DOCK9: variants seen among roughly 807,000 people sequenced by gnomAD.
DOCK9 encodes the protein dedicator of cytokinesis protein 9.
A neutral mutation model predicts 263.3 loss-of-function variants in DOCK9; 89 were observed. The observed-to-expected ratio is 0.34, with a 90% CI of 0.28 to 0.40. The LOEUF (loss-of-function observed/expected upper bound fraction) is 0.40, where lower values mean the gene tolerates loss of function less well. DOCK9 is among the 10% of genes least tolerant of loss of function. The probability of loss-of-function intolerance (pLI) is 1.00; values close to 1 mark genes in which losing one functional copy is unlikely to be tolerated. For synonymous variants in DOCK9, 976 were observed against 973.1 expected (o/e 1.00, Z -0.06); for missense variants, 2,140 against 2,603.4 (o/e 0.82, Z 3.87).
At chr13:98,832,054 T>C (rs2092786420) in intron 39 of DOCK9, 1 of 376,740 alleles carries the variant, frequency 2.7e-6, no homozygotes, top group Admixed American at 4.1e-5. Flanking sequence ...TTCTATTTAT[T>C]AATATGTACT....
chr13:98,839,612 A>G (rs544021209), intron 38 of DOCK9, among the ~76,000 whole-genome samples: 1 of 152,360 alleles, frequency 6.6e-6, no homozygotes, highest in East Asian at 1.9e-4. Flanking sequence ...CTTTCTCTGC[A>G]AAGAACTGTC....
chr13:98,886,085 T>C (rs760276954), intron 19 of DOCK9, among the ~76,000 whole-genome samples: 1 of 152,186 alleles, frequency 6.6e-6, no homozygotes, highest in Non-Finnish European at 1.5e-5. Context: ...CAGTAACTGC[T>C]ACGCTAAGTT....
At chr13:98,873,530 C>T (rs149655711) in intron 27 of DOCK9, among the ~76,000 whole-genome samples, 88 of 152,320 alleles carry the variant, frequency 5.8e-4, no homozygotes, top group African/African-American at 1.8e-3. Context: ...CAGCTAGGTA[C>T]CGTCATGGCT....
chr13:98,802,488 T>C (rs2090230075), intron 49 of DOCK9, among the ~76,000 whole-genome samples: 1 of 152,136 alleles, frequency 6.6e-6, no homozygotes. Context: ...GGTCTGTGTG[T>C]CTTGAATAGA....
chr13:99,080,164 T>C (rs566492007), intron 1 of DOCK9, among the ~76,000 whole-genome samples: 2 of 152,360 alleles, frequency 1.3e-5, no homozygotes, highest in South Asian at 4.1e-4. Flanking sequence ...TTCAGTATGT[T>C]CTGTAAGGTA....
chr13:98,987,454 T>C (rs1878731539), intron 1 of DOCK9, among the ~76,000 whole-genome samples: 2 of 152,210 alleles, frequency 1.3e-5, no homozygotes, highest in Admixed American at 6.5e-5. Flanking sequence ...CACTGGCCCA[T>C]CTACAAAGAG....
chr13:99,027,314 G>A (rs1023469453), intron 1 of DOCK9, among the ~76,000 whole-genome samples: 6 of 152,034 alleles, frequency 3.9e-5, no homozygotes, highest in South Asian at 2.1e-4. Context: ...CACCACATCC[G>A]GCCTCATTTA....
chr13:98,941,296 G>A (rs1197021475), intron 2 of DOCK9, among the ~76,000 whole-genome samples: 1 of 152,192 alleles, frequency 6.6e-6, no homozygotes, highest in Non-Finnish European at 1.5e-5. Context: ...AAGAGGGACT[G>A]CGCAATTTAG....
chr13:98,864,099 C>G (rs1049589085), intron 30 of DOCK9, among the ~76,000 whole-genome samples: 1 of 152,144 alleles, frequency 6.6e-6, no homozygotes, highest in African/African-American at 2.4e-5. Context: ...AATATATAAC[C>G]TACTTATTCT....
rs11618209 is a variant in DOCK9, at chr13:98,886,563, T to C, written c.2105A>G (p.His702Arg). The change falls in exon 19 of 53, where the codon CAC becomes CGC. Residue 702 changes from histidine (H) to arginine (R), a missense_variant. Around this residue, in one of 2 missense-constraint regions of DOCK9, gnomAD observed 1,521 missense variants for 1,741.7 expected, o/e 0.87. Coordinates refer to ENST00000682017, the MANE Select transcript of DOCK9 (RefSeq NM_001366683.2). ...FTRSAFAAVL[H>R]HHQNPEFYDE... ...ATAAAATTCTGGGTTTTGGTGATGG[T>C]GTAAAACTGCAGCAAAGGCGCTTCT... 4 of 1,613,924 alleles carry C rather than the reference T, an allele frequency of 2.5e-6. No homozygotes were observed. In the Admixed American group the frequency reaches 5.0e-5, roughly 20 times the overall value.
chr13:98,940,116 C>A (rs903623465), intron 2 of DOCK9, among the ~76,000 whole-genome samples: 2 of 152,160 alleles, frequency 1.3e-5, no homozygotes, highest in South Asian at 4.1e-4. Flanking sequence ...GGATTCAGTA[C>A]CAAGCTAGAC....
Position 98,829,598 on chromosome 13 carries a change from G to C in DOCK9, c.4749+45C>G. On this transcript the variant is annotated intron_variant, in intron 42 of 52. Transcript: ENST00000682017. The surrounding 1 kb of genome is among the most constrained non-coding windows in gnomAD (Gnocchi z 4.1). Reference sequence around the variant, plus strand: ...CCTGTCCACAAGCACCTCAGGTGCTGATGCAGAGTCTCAGGGTGAAACTAA... The same window carrying C: ...CCTGTCCACAAGCACCTCAGGTGCTCATGCAGAGTCTCAGGGTGAAACTAA... 2 of 1,579,656 alleles carry C rather than the reference G, an allele frequency of 1.3e-6. No individual in the cohort carries two copies. The highest frequency in any genetic ancestry group is 2.3e-5 in the South Asian group (2 of 87,198).
chr13:98,861,930 T>C (rs1489378280), intron 32 of DOCK9, among the ~76,000 whole-genome samples: 1 of 152,228 alleles, frequency 6.6e-6, no homozygotes, highest in Non-Finnish European at 1.5e-5. Flanking sequence ...GGAGAGAAAC[T>C]GTAGCCCACA....
At chr13:98,822,696 A>C (rs148614476) in intron 45 of DOCK9, among the ~76,000 whole-genome samples, 1 of 141,310 alleles carries the variant, frequency 7.1e-6, no homozygotes, top group South Asian at 2.3e-4. Flanking sequence ...AACAAACAAA[A>C]AAGACCATCC....
At chr13:98,887,141 A>ATTTTTTTT (rs1335567169) in intron 18 of DOCK9, among the ~76,000 whole-genome samples, 1 of 59,640 alleles carries the variant, frequency 1.7e-5, no homozygotes. Context: ...ATATATATAT[A>ATTTTTTTT]TATTTTTTTT....
intron 49 of DOCK9, among the ~76,000 whole-genome samples, chr13:98,804,182 C>T (rs1270734028): frequency 9.9e-5 from 15 of 152,256 alleles, no homozygotes; most frequent in African/African-American, 3.1e-4. Context: ...CTTTGGAAGA[C>T]GTGTGGTGAA....
intron 15 of DOCK9, among the ~76,000 whole-genome samples, chr13:98,894,458 A>G (rs1183308999): frequency 6.6e-6 from 1 of 152,178 alleles, no homozygotes; most frequent in African/African-American, 2.4e-5. Context: ...CTTCATTTAC[A>G]TACAAAAGAA....
chr13:98,984,907 G>A (rs1359629090), intron 1 of DOCK9, among the ~76,000 whole-genome samples: 3 of 152,112 alleles, frequency 2.0e-5, no homozygotes, highest in Non-Finnish European at 4.4e-5. Context: ...GGAATGCACT[G>A]ACCTACTATA....
chr13:98,833,887 G>A (rs1279200910), intron 39 of DOCK9, among the ~76,000 whole-genome samples: 2 of 152,142 alleles, frequency 1.3e-5, no homozygotes, highest in Admixed American at 1.3e-4. Context: ...AAGCCTCACA[G>A]GGGACAAAAA....
Sources: allele counts gnomAD v4.1 joint callset (sites outside exome capture counted in the v4.1 genomes callset), GRCh38; gene constraint gnomAD v4.1.1; regional missense constraint gnomAD v4.1.1; non-coding constraint Gnocchi (gnomAD v3.1); transcripts MANE v1.5; gene names NCBI Gene and HGNC (gene_info 2026-07-23, HGNC 2026-07-21).